The following SENP6 variants were observed in gnomAD, a reference collection of about 807,000 sequenced individuals.
The protein encoded by SENP6 is sentrin-specific protease 6.
In SENP6, 41 loss-of-function variants were observed where a neutral mutation model predicts 134.5. That is an observed-to-expected ratio of 0.30 (90% CI 0.24 to 0.40). SENP6 has a LOEUF of 0.40. SENP6 is among the 10% of genes least tolerant of loss of function. SENP6 has a pLI of 1.00. For missense variants in SENP6, 1,248 were observed against 1,312.5 expected, an observed-to-expected ratio of 0.95 and a Z score of 0.76; for synonymous variants, 395 against 429.8, an observed-to-expected ratio of 0.92 and a Z score of 1.00.
At position 75,633,672 on chromosome 6, in the gene SENP6, C is replaced by A; in HGVS notation, c.299C>A (p.Thr100Asn). ...CGAAACAAGTCTGAAAGTTTTAAAA[C>A]TTTGAAAGGCAACCCAATTGGACTT... Reference protein sequence around the residue: ...VRRNKSESFKTLKGNPIGLNM... With the variant: ...VRRNKSESFKNLKGNPIGLNM... The change falls in exon 4 of 24, where the codon ACT becomes AAT. Residue 100 changes from threonine (T) to asparagine (N), a missense_variant. By Grantham distance (65) the Thr-to-Asn change is moderately conservative. Transcript: ENST00000447266. 1 of 1,612,378 alleles carries A rather than the reference C, an allele frequency of 6.2e-7. No individual in the cohort carries two copies. The highest frequency in any genetic ancestry group is 8.5e-7 in the Non-Finnish European group (1 of 1,179,296).
At chr6:75,686,053 A>G (rs1025243984) in intron 16 of SENP6, among the ~76,000 whole-genome samples, 4 of 152,054 alleles carry the variant, frequency 2.6e-5, no homozygotes, top group South Asian at 2.1e-4. Context: ...GGTCACTCAG[A>G]ACTTGCTTTA....
At chr6:75,674,641 G>T (rs1459235801) in intron 11 of SENP6, among the ~76,000 whole-genome samples, 2 of 152,138 alleles carry the variant, frequency 1.3e-5, no homozygotes, top group African/African-American at 2.4e-5. Flanking sequence ...CAAATAATTT[G>T]TTATTTCCCA....
chr6:75,662,726 A>G (rs1049294792), intron 8 of SENP6, among the ~76,000 whole-genome samples: 2 of 152,244 alleles, frequency 1.3e-5, no homozygotes, highest in Non-Finnish European at 2.9e-5. Context: ...ATATTTTAAT[A>G]TTGGGGATTT....
intron 2 of SENP6, 71 bp downstream of exon 2, chr6:75,621,696 T>A (rs891897864): frequency 2.2e-6 from 2 of 891,392 alleles, no homozygotes; most frequent in Non-Finnish European, 3.6e-6. Flanking sequence ...ATTTCTATTG[T>A]ATGGAAATAT....
rs367668144 is a variant in SENP6 at position 75,623,956 on chromosome 6, A to G, written c.203A>G (p.Lys68Arg). Residue 68 changes from lysine (K) to arginine (R), a missense_variant, in exon 3 of 24, where the codon AAA (lysine) becomes AGA (arginine). Lys to Arg is a conservative substitution (Grantham distance 26). Around this residue, in one of 3 missense-constraint regions of SENP6, gnomAD observed 733 missense variants for 725.4 expected, o/e 1.01. Transcript: ENST00000447266. ...GAGGATTCTGAAACCTCAAAAGGAA[A>G]AAAGGCAAGTGTTGCTTAAAATATT... is the stretch of plus-strand genomic sequence containing the variant. ...EDEDSETSKGKKLNRRSEIVA... is the reference protein window; with the variant it reads ...EDEDSETSKGRKLNRRSEIVA... 7.5e-6 allele frequency: 12 copies of G among 1,607,984 alleles called. No individual in the cohort carries two copies. The East Asian group carries it at 8.9e-5, about 12-fold the overall frequency.
intron 6 of SENP6, among the ~76,000 whole-genome samples, chr6:75,645,491 C>A (rs567999282): frequency 6.6e-6 from 1 of 152,134 alleles, no homozygotes; most frequent in Non-Finnish European, 1.5e-5. Flanking sequence ...GTGGCGCACA[C>A]GTGTAATCCC....
At chr6:75,707,355 C>CTTTTTTTT (rs10564996) in intron 19 of SENP6, among the ~76,000 whole-genome samples, 14 of 74,698 alleles carry the variant, frequency 1.9e-4, no homozygotes, top group Admixed American at 3.7e-4. Context: ...TCTTCTTCTT[C>CTTTTTTTT]TTTTTTTTTT....
intron 19 of SENP6, among the ~76,000 whole-genome samples, chr6:75,705,924 CCTT>C (rs61364762): frequency 0.064 from 5,656 of 89,066 alleles, 1,464 homozygotes; most frequent in Non-Finnish European, 0.078. Context: ...TATTTTTGAG[CCTT>C]TTTTTTTTTT....
chr6:75,685,834 A>G (rs1344583693), intron 16 of SENP6, among the ~76,000 whole-genome samples: 3 of 152,154 alleles, frequency 2.0e-5, no homozygotes, highest in Admixed American at 6.6e-5. Context: ...CAATTTTTGA[A>G]TAAGTGCGAT....
Position 75,677,022 on chromosome 6 carries a change from C to A in SENP6, c.1622-8C>A, listed in dbSNP as rs911251964. On this transcript the variant is annotated splice_polypyrimidine_tract_variant and splice_region_variant and intron_variant, in intron 13 of 23. Coordinates refer to ENST00000447266, the MANE Select transcript of SENP6 (RefSeq NM_015571.4). ...TTTTTTTTTGGACTTATATTTATTT[C>A]TTTTCAGATTTAGAAGAACAATATA... 6.9e-6 allele frequency: 9 copies of A among 1,308,868 alleles called. No homozygotes were observed. Among genetic ancestry groups the A allele is most frequent in the African/African-American group, 4.5e-5 (3 of 66,506 alleles). The allele number at this position is 1,308,868 out of a possible 1,614,324, so 81.1% of individuals were successfully genotyped here.
chr6:75,702,839 T>C lies in SENP6; in HGVS notation c.2483T>C (p.Leu828Pro). Residue 828 changes from leucine (L) to proline (P), a missense_variant, in exon 19 of 24, where the codon CTA becomes CCA. Leu to Pro is a moderately conservative substitution (Grantham distance 98). Around this residue, in one of 3 missense-constraint regions of SENP6, gnomAD observed 386 missense variants for 395.0 expected, o/e 0.98. Transcript: ENST00000447266. Reference sequence around the variant, plus strand: ...GCCAAGCCTGTAATTAAGAAGATGCTAAACAAAAAACATTGCATAGCTGTA... The same window carrying C: ...GCCAAGCCTGTAATTAAGAAGATGCCAAACAAAAAACATTGCATAGCTGTA... Reference protein sequence around the residue: ...SSAKPVIKKMLNKKHCIAVID... With the variant: ...SSAKPVIKKMPNKKHCIAVID... 6.2e-7 allele frequency: 1 copy of C among 1,614,092 alleles called. No homozygotes were observed. Among genetic ancestry groups the C allele is most frequent in the Non-Finnish European group, 8.5e-7 (1 of 1,180,000 alleles).
chr6:75,712,678 A>G (rs541370087), intron 21 of SENP6, among the ~76,000 whole-genome samples: 1 of 152,272 alleles, frequency 6.6e-6, no homozygotes, highest in African/African-American at 2.4e-5. Flanking sequence ...TCAGCCATCA[A>G]TATTTATATA....
At chr6:75,632,418 T>C (rs1481124668) in intron 3 of SENP6, among the ~76,000 whole-genome samples, 1 of 152,208 alleles carries the variant, frequency 6.6e-6, no homozygotes, top group East Asian at 1.9e-4. Flanking sequence ...CTTTCTAGAA[T>C]TGTCATGAGA....
intron 5 of SENP6, among the ~76,000 whole-genome samples, chr6:75,639,914 A>T (rs1161647293): frequency 6.6e-6 from 1 of 152,194 alleles, no homozygotes; most frequent in Non-Finnish European, 1.5e-5. Context: ...ACTTCTAGGA[A>T]ATGCTATTGT....
At chr6:75,631,605 T>G (rs546635571) in intron 3 of SENP6, among the ~76,000 whole-genome samples, 1 of 152,332 alleles carries the variant, frequency 6.6e-6, no homozygotes, top group African/African-American at 2.4e-5. Context: ...AATATAAAAC[T>G]CAAATCTGTG....
chr6:75,655,509 T>C (rs569626809), intron 7 of SENP6, among the ~76,000 whole-genome samples: 245 of 152,268 alleles, frequency 1.6e-3, no homozygotes, highest in Non-Finnish European at 2.8e-3. Flanking sequence ...TTTCCTAGCA[T>C]AGATTAATTT....
intron 1 of SENP6, among the ~76,000 whole-genome samples, chr6:75,605,827 A>G (rs1766986925): frequency 6.6e-6 from 1 of 150,592 alleles, no homozygotes; most frequent in South Asian, 2.1e-4. Context: ...TGTGGAATTA[A>G]TTAGGGGGCA....
chr6:75,659,849 T>G (rs528738691), intron 8 of SENP6, among the ~76,000 whole-genome samples: 2 of 152,320 alleles, frequency 1.3e-5, no homozygotes, highest in East Asian at 3.9e-4. Context: ...TGAGTTGAAG[T>G]TGCAAGCATG....
rs184504230 is a variant in SENP6 at position 75,704,729 on chromosome 6, G to T, written c.2716+1657G>T. ...GCCATATTTCAGACTATCACATGGGGAGAAACCTTGGACAATACCCAGCTT... is the reference window on the plus strand; with the variant it reads ...GCCATATTTCAGACTATCACATGGGTAGAAACCTTGGACAATACCCAGCTT... On this transcript the variant is annotated intron_variant, in intron 19 of 23. Transcript: ENST00000447266. 3.9e-5 allele frequency among the ~76,000 whole-genome samples: 6 copies of T among 152,314 alleles called. No homozygotes were observed. The East Asian group carries it at 9.7e-4, about 25-fold the overall frequency.
Sources: allele counts gnomAD v4.1 joint callset (sites outside exome capture counted in the v4.1 genomes callset), GRCh38; gene constraint gnomAD v4.1.1; regional missense constraint gnomAD v4.1.1; transcripts MANE v1.5; gene names NCBI Gene and HGNC (gene_info 2026-07-23, HGNC 2026-07-21).